The following CEP57 variants were observed in gnomAD, a reference collection of about 807,000 sequenced individuals.
The protein encoded by CEP57 is centrosomal protein 57, also known as centrosomal protein of 57 kDa.
In CEP57, 40 loss-of-function variants were observed where a neutral mutation model predicts 68.0. The ratio of observed to expected loss-of-function variants is 0.59; its 90% confidence interval spans 0.46 to 0.77. The LOEUF is 0.77. Ranked by LOEUF, CEP57 falls within the 30% of genes least tolerant of loss-of-function variation. The probability of loss-of-function intolerance (pLI) is 0.00; values close to 1 mark genes in which losing one functional copy is unlikely to be tolerated. For missense variants in CEP57, 606 were observed against 580.7 expected (o/e 1.04, Z -0.45); for synonymous variants, 219 against 198.7 (o/e 1.10, Z -0.86).
chr11:95,817,055 T>G (rs750452856), intron 4 of CEP57, among the ~76,000 whole-genome samples: 1 of 151,706 alleles, frequency 6.6e-6, no homozygotes, highest in Non-Finnish European at 1.5e-5. Context: ...TTATAAATCT[T>G]TGACTCTAAA....
In CEP57 at chr11:95,831,086, G is replaced by A. The variant is rs190063164; in HGVS notation, c.1333G>A (p.Asp445Asn). ...ATTAAAAGCTACCAAAAAGACTCTTGATGAAGAAAGAAACAGCAGCAGCCG... is the reference window on the plus strand; with the variant it reads ...ATTAAAAGCTACCAAAAAGACTCTTAATGAAGAAAGAAACAGCAGCAGCCG... ...KELKATKKTL[D>N]EERNSSSRSG... The change falls in exon 11 of 11, where the codon GAT becomes AAT. Residue 445 changes from aspartate to asparagine, a missense_variant. By Grantham distance (23) the Asp-to-Asn change is conservative. Coordinates refer to ENST00000325542, the MANE Select transcript of CEP57 (RefSeq NM_014679.5). The A allele has an allele frequency of 1.9e-6, 3 of 1,613,522 alleles. No individual in the cohort carries two copies. In the African/African-American group the frequency reaches 4.0e-5, roughly 22 times the overall value.
rs1442855398 is a variant in CEP57 at position 95,827,995 on chromosome 11, G to T, written c.1095G>T (p.Gln365His). 6.2e-7 allele frequency: 1 copy of T among 1,613,850 alleles called. No individual in the cohort carries two copies. Among genetic ancestry groups the T allele is most frequent in the Non-Finnish European group, 8.5e-7 (1 of 1,179,948 alleles). ...ATGAGGAGTTGTCAGAAGTCTTACAGACTTTACAGGATGAATTTGGGCAAA... is the reference window on the plus strand; with the variant it reads ...ATGAGGAGTTGTCAGAAGTCTTACATACTTTACAGGATGAATTTGGGCAAA... ...GINEELSEVL[Q>H]TLQDEFGQMS... The change falls in exon 9 of 11, where the codon CAG becomes CAT. Residue 365 changes from glutamine (Q) to histidine (H), a missense_variant. Physicochemically the swap from Gln to His is conservative, Grantham distance 24. Coordinates refer to ENST00000325542, the MANE Select transcript of CEP57 (RefSeq NM_014679.5).
chr11:95,802,016 T>C (rs1244988820), intron 2 of CEP57, among the ~76,000 whole-genome samples: 1 of 151,782 alleles, frequency 6.6e-6, no homozygotes, highest in Non-Finnish European at 1.5e-5. Context: ...GAAATCACTA[T>C]CCCCTTCTCA....
chr11:95,827,539 T>G, intron 8 of CEP57: 5 of 472,228 alleles, frequency 1.1e-5, no homozygotes, highest in African/African-American at 2.0e-5. Flanking sequence ...TGATAGGACA[T>G]GAGGCTAGGA....
At chr11:95,824,334 T>C (rs1332094276) in intron 8 of CEP57, among the ~76,000 whole-genome samples, 1 of 152,088 alleles carries the variant, frequency 6.6e-6, no homozygotes, top group Admixed American at 6.5e-5. Context: ...TTTTGCAAAA[T>C]AGCTTTTTAT....
In CEP57 at chr11:95,823,626, T is replaced by C. The variant is rs1033003987; in HGVS notation, c.885+1050T>C. Among the ~76,000 whole-genome samples the C allele has an allele frequency of 5.6e-4, 77 of 136,700 alleles. 1 individual carries two copies. Among genetic ancestry groups the C allele is most frequent in the African/African-American group, 1.8e-3 (73 of 40,490 alleles). The allele number at this position is 136,700 out of a possible 152,430, so 89.7% of individuals were successfully genotyped here. A position where few individuals can be genotyped will look rare whatever the true frequency, so the allele number is the denominator to read the frequency against. On this transcript the variant is annotated intron_variant, in intron 8 of 10. Coordinates refer to ENST00000325542, the MANE Select transcript of CEP57 (RefSeq NM_014679.5). ...ACGCCATTCACAGTCCAGAGAAATG[T>C]AAACAGAGATAAAGATGCAGTATGA... is the stretch of plus-strand genomic sequence containing the variant.
chr11:95,813,516 A>G lies in CEP57; in HGVS notation c.431A>G (p.Glu144Gly), dbSNP rs1479465011. The G allele has an allele frequency of 1.2e-6, 2 of 1,613,018 alleles. No homozygotes were observed. The highest frequency in any genetic ancestry group is 2.7e-5 in the African/African-American group (2 of 74,938). The change falls in exon 4 of 11, where the codon GAA becomes GGA. Residue 144 changes from glutamate (E) to glycine (G), a missense_variant. Physicochemically the swap from Glu to Gly is moderately conservative, Grantham distance 98 (BLOSUM62 -2). Coordinates refer to ENST00000325542, the MANE Select transcript of CEP57 (RefSeq NM_014679.5). ...GCAGAAAATAAATGCAATCTATTAGAAAAACAATTGGAATACATGCGAAAT... is the reference window on the plus strand; with the variant it reads ...GCAGAAAATAAATGCAATCTATTAGGAAAACAATTGGAATACATGCGAAAT... The part of the protein sequence containing the change: ...LAAENKCNLL[E>G]KQLEYMRNMI...
At chr11:95,807,589 C>T (rs763813902) in intron 2 of CEP57, among the ~76,000 whole-genome samples, 8 of 151,898 alleles carry the variant, frequency 5.3e-5, no homozygotes, top group Non-Finnish European at 1.2e-4. Context: ...ACTCAGTAGC[C>T]GATTCAATCA....
At chr11:95,813,203 C>A in intron 3 of CEP57, 92 bp downstream of exon 3, 2 of 1,306,120 alleles carry the variant, frequency 1.5e-6, no homozygotes, top group Non-Finnish European at 2.2e-6. Context: ...TGTTTTGTAG[C>A]GGTATCTTCA....
At chr11:95,809,212 G>C (rs1342832455) in intron 2 of CEP57, among the ~76,000 whole-genome samples, 3 of 152,078 alleles carry the variant, frequency 2.0e-5, no homozygotes, top group Non-Finnish European at 4.4e-5. Context: ...AGTGTGTAGA[G>C]GGAAATTTAT....
chr11:95,798,628 AATT>A (rs1322962434), intron 1 of CEP57, among the ~76,000 whole-genome samples: 3 of 152,222 alleles, frequency 2.0e-5, no homozygotes, highest in Admixed American at 6.5e-5. Context: ...CCTGGGTTGA[AATT>A]ATTATGTGGA....
At position 95,813,087 on chromosome 11, in the gene CEP57, A is replaced by G. The variant is rs201590491; in HGVS notation, c.358A>G (p.Asn120Asp). The change falls in exon 3 of 11, where the codon AAT becomes GAT. Residue 120 changes from asparagine to aspartate, a missense_variant. By Grantham distance (23) the Asn-to-Asp change is conservative (BLOSUM62 1). Coordinates refer to ENST00000325542, the MANE Select transcript of CEP57 (RefSeq NM_014679.5). ...GATACAAGAAAGGGAGAATTCAAAG[A>G]ATGAGGAATCAAAGCACAATCAAGG... The part of the protein sequence containing the change: ...EQIQERENSK[N>D]EESKHNQELT... 6.8e-6 allele frequency: 11 copies of G among 1,612,934 alleles called. No homozygotes were observed. The highest frequency in any genetic ancestry group is 1.3e-5 in the African/African-American group (1 of 74,914).
intron 6 of CEP57, among the ~76,000 whole-genome samples, chr11:95,820,034 TGTAAC>T (rs1862458125): frequency 6.6e-6 from 1 of 152,234 alleles, no homozygotes. Flanking sequence ...TTTCCATACT[TGTAAC>T]AAACAAACTT....
At chr11:95,808,490 G>T (rs565750323) in intron 2 of CEP57, among the ~76,000 whole-genome samples, 1 of 152,020 alleles carries the variant, frequency 6.6e-6, no homozygotes, top group African/African-American at 2.4e-5. Context: ...ACATGCTGGG[G>T]CACACATAGG....
Position 95,828,000 on chromosome 11 carries a change from T to C in CEP57, c.1100T>C (p.Leu367Ser). The C allele has an allele frequency of 1.2e-6, 2 of 1,614,040 alleles. No individual in the cohort carries two copies. The highest frequency in any genetic ancestry group is 1.7e-6 in the Non-Finnish European group (2 of 1,179,986). ...NEELSEVLQT[L>S]QDEFGQMSFD... ...GAGTTGTCAGAAGTCTTACAGACTT[T>C]ACAGGATGAATTTGGGCAAATGAGC... The change falls in exon 9 of 11, where the codon TTA becomes TCA. Residue 367 changes from leucine to serine, a missense_variant. Physicochemically the swap from Leu to Ser is moderately radical, Grantham distance 145. Coordinates refer to ENST00000325542, the MANE Select transcript of CEP57 (RefSeq NM_014679.5).
intron 1 of CEP57, among the ~76,000 whole-genome samples, chr11:95,791,796 G>A (rs1234567919): frequency 1.3e-5 from 2 of 152,146 alleles, no homozygotes; most frequent in Non-Finnish European, 2.9e-5. Flanking sequence ...GGCAGTGCGG[G>A]AATTTTGGAG....
In CEP57 at chr11:95,807,307, TCTC is replaced by T. The variant is rs753938377; in HGVS notation, c.203-5620_203-5618del. ...AAATTCCAAAAATCAGAGCACCTCT[TCTC>T]CTCCAAAGGAACACAGCTCCTTGCC... On this transcript the variant is annotated intron_variant, in intron 2 of 10. Transcript: ENST00000325542. 9.9e-5 allele frequency among the ~76,000 whole-genome samples: 15 copies of T among 152,244 alleles called. No individual in the cohort carries two copies. The South Asian group carries it at 1.7e-3, about 17-fold the overall frequency.
At chr11:95,808,008 A>G (rs1023555993) in intron 2 of CEP57, among the ~76,000 whole-genome samples, 3 of 152,242 alleles carry the variant, frequency 2.0e-5, no homozygotes, top group Non-Finnish European at 2.9e-5. Context: ...CCATCAGACT[A>G]ACAGCAGATC....
chr11:95,800,048 A>G (rs1384110526), intron 2 of CEP57, among the ~76,000 whole-genome samples: 5 of 152,190 alleles, frequency 3.3e-5, no homozygotes, highest in Admixed American at 6.5e-5. Flanking sequence ...CGCCTTAACA[A>G]ATTGCCATGA....
Sources: allele counts gnomAD v4.1 joint callset (sites outside exome capture counted in the v4.1 genomes callset), GRCh38; gene constraint gnomAD v4.1.1; transcripts MANE v1.5; gene names NCBI Gene and HGNC (gene_info 2026-07-23, HGNC 2026-07-21).